Variants in DCC observed in about 807,000 individuals in gnomAD.
DCC encodes netrin receptor DCC.
DCC carries 58 observed loss-of-function variants against 172.5 expected under a neutral mutation model. That is an observed-to-expected ratio of 0.34 (90% confidence interval 0.27 to 0.42). The LOEUF is 0.42. Among genes scored for constraint, DCC ranks in the 10% least tolerant of loss-of-function variants. DCC has a pLI of 1.00. For synonymous variants in DCC, 709 were observed against 644.5 expected (o/e 1.10, Z -1.52); for missense variants, 1,740 against 1,791.0 (o/e 0.97, Z 0.51).
At chr18:53,159,113 T>C (rs1461405166) in intron 8 of DCC, among the ~76,000 whole-genome samples, 1 of 152,170 alleles carries the variant, frequency 6.6e-6, no homozygotes, top group African/African-American at 2.4e-5. Flanking sequence ...ATTTGTGATC[T>C]TACGATGCCT....
rs372885437 is a variant in DCC at position 53,300,962 on chromosome 18, A to ATTCTTTCTTTCT, written c.1912-4597_1912-4586dup. 6.5e-3 allele frequency among the ~76,000 whole-genome samples: 780 copies of ATTCTTTCTTTCT among 120,302 alleles called. 31 individuals carry two copies. The highest frequency in any genetic ancestry group is 0.022 in the African/African-American group (750 of 34,636). 78.9% of individuals were successfully genotyped at this position (120,302 alleles called of 152,430 possible). On this transcript the variant is annotated intron_variant, in intron 12 of 28. Coordinates refer to ENST00000442544, the MANE Select transcript of DCC (RefSeq NM_005215.4). The stretch of plus-strand genomic sequence containing the variant: ...ATTATTTGACGTTGGTTCTGGATTC[A>ATTCTTTCTTTCT]TTCTTTCTTTCTTTCTTTCTTTCTT...
chr18:52,812,200 T>TA (rs1276379496), intron 2 of DCC, among the ~76,000 whole-genome samples: 8 of 152,352 alleles, frequency 5.3e-5, no homozygotes, highest in African/African-American at 1.7e-4. Flanking sequence ...ATATAGCATT[T>TA]ATAATTCACC....
At chr18:52,766,529 C>T (rs188596842) in intron 2 of DCC, among the ~76,000 whole-genome samples, 76 of 152,018 alleles carry the variant, frequency 5.0e-4, no homozygotes, top group South Asian at 5.0e-3. Flanking sequence ...AAGTGGCTCT[C>T]GGTGGGAAGA....
intron 5 of DCC, among the ~76,000 whole-genome samples, chr18:52,934,068 C>T (rs1170538672): frequency 6.6e-6 from 1 of 152,004 alleles, no homozygotes; most frequent in Non-Finnish European, 1.5e-5. Context: ...CAAGACATCC[C>T]AAATGTCACA....
At chr18:53,145,356 G>T (rs1439809437) in intron 7 of DCC, among the ~76,000 whole-genome samples, 1 of 151,974 alleles carries the variant, frequency 6.6e-6, no homozygotes, top group Non-Finnish European at 1.5e-5. Flanking sequence ...CTCGTGATCC[G>T]CCCGCCTCGG....
chr18:53,501,850 A>ATAGATGG (rs2046104173), intron 27 of DCC, among the ~76,000 whole-genome samples: 1 of 151,318 alleles, frequency 6.6e-6, no homozygotes, highest in African/African-American at 2.4e-5. Context: ...AGATTTGATG[A>ATAGATGG]TAGATGGAGC....
At chr18:52,360,471 G>A (rs1232760256) in intron 1 of DCC, among the ~76,000 whole-genome samples, 1 of 152,200 alleles carries the variant, frequency 6.6e-6, no homozygotes, top group African/African-American at 2.4e-5. Flanking sequence ...GATGTATTGT[G>A]TAAATTAGGC....
At chr18:52,377,959 C>T (rs1233199443) in intron 1 of DCC, among the ~76,000 whole-genome samples, 1 of 152,086 alleles carries the variant, frequency 6.6e-6, no homozygotes, top group Admixed American at 6.5e-5. Context: ...CTCGGCCTCC[C>T]AAAGTGCTAG....
chr18:53,128,038 T>C (rs1291409684), intron 7 of DCC, among the ~76,000 whole-genome samples: 1 of 152,110 alleles, frequency 6.6e-6, no homozygotes, highest in Non-Finnish European at 1.5e-5. Context: ...TTTACTTGCA[T>C]AAACATAGCT....
intron 1 of DCC, among the ~76,000 whole-genome samples, chr18:52,731,579 A>G (rs1361696650): frequency 6.6e-6 from 1 of 152,188 alleles, no homozygotes; most frequent in Non-Finnish European, 1.5e-5. Flanking sequence ...GCATAGACAT[A>G]GTATATTAGA....
intron 5 of DCC, among the ~76,000 whole-genome samples, chr18:53,018,191 A>G (rs2041834419): frequency 6.6e-6 from 1 of 152,162 alleles, no homozygotes; most frequent in Non-Finnish European, 1.5e-5. Context: ...GTTACAAAAG[A>G]TTGGAAGCTA....
intron 7 of DCC, among the ~76,000 whole-genome samples, chr18:53,149,551 A>G: frequency 6.6e-6 from 1 of 152,220 alleles, no homozygotes; most frequent in Admixed American, 6.5e-5. Context: ...TGCCTGTGGT[A>G]CTTGCTGTAT....
At chr18:53,284,858 T>G (rs1490520565) in intron 12 of DCC, among the ~76,000 whole-genome samples, 2 of 152,062 alleles carry the variant, frequency 1.3e-5, no homozygotes, top group African/African-American at 2.4e-5. Flanking sequence ...AGATGGAGAT[T>G]AGGAACTTCT....
chr18:53,255,931 T>C (rs1236833004), intron 12 of DCC, among the ~76,000 whole-genome samples: 1 of 152,210 alleles, frequency 6.6e-6, no homozygotes, highest in Non-Finnish European at 1.5e-5. Flanking sequence ...GGTATCTCAT[T>C]GTGGTTTTGA....
intron 1 of DCC, among the ~76,000 whole-genome samples, chr18:52,680,700 A>G (rs183938928): frequency 7.2e-5 from 11 of 152,222 alleles, no homozygotes; most frequent in African/African-American, 2.4e-4. Flanking sequence ...GAGTGAGTAG[A>G]CTTGCAAATC....
At chr18:53,151,930 T>C (rs2144380179) in intron 7 of DCC, among the ~76,000 whole-genome samples, 1 of 152,270 alleles carries the variant, frequency 6.6e-6, no homozygotes, top group South Asian at 2.1e-4. Context: ...TTAACTATCA[T>C]TTAGGTTTAT....
At chr18:53,478,738 G>A (rs1399770829) in intron 25 of DCC, among the ~76,000 whole-genome samples, 2 of 152,152 alleles carry the variant, frequency 1.3e-5, no homozygotes, top group African/African-American at 4.8e-5. Context: ...CCCACCATCT[G>A]CATTAGTCAC....
intron 7 of DCC, among the ~76,000 whole-genome samples, chr18:53,137,562 C>A (rs1178606061): frequency 6.6e-6 from 1 of 152,096 alleles, no homozygotes; most frequent in Non-Finnish European, 1.5e-5. Context: ...TGTAATCTAA[C>A]CAAGAGAGTA....
At chr18:52,913,782 C>T (rs1159863117) in intron 3 of DCC, among the ~76,000 whole-genome samples, 7 of 152,128 alleles carry the variant, frequency 4.6e-5, no homozygotes, top group Admixed American at 2.0e-4. Context: ...GTCAGGCAAT[C>T]ATCCGTGACT....
Sources: gnomAD v4.1 joint callset for allele counts (sites outside exome capture counted in the v4.1 genomes callset) on GRCh38, gnomAD v4.1.1 for gene constraint, MANE v1.5 for transcripts, NCBI Gene and HGNC (gene_info 2026-07-23, HGNC 2026-07-21) for gene names.